Variants in MAGI3 observed in about 807,000 individuals in gnomAD.
The protein encoded by MAGI3 is membrane-associated guanylate kinase, WW and PDZ domain-containing protein 3.
Under a neutral mutation model 121.8 loss-of-function variants are expected in MAGI3, and 43 were observed. The observed-to-expected ratio is 0.35, with a 90% CI of 0.28 to 0.46. The LOEUF (loss-of-function observed/expected upper bound fraction) is 0.46, where lower values mean the gene tolerates loss of function less well. Among genes scored for constraint, MAGI3 ranks in the 20% least tolerant of loss-of-function variants. MAGI3 has a pLI of 1.00. For missense variants in MAGI3, 1,547 were observed against 1,797.3 expected, an observed-to-expected ratio of 0.86 and a Z score of 2.52; for synonymous variants, 553 against 639.3, an observed-to-expected ratio of 0.86 and a Z score of 2.04.
intron 2 of MAGI3, among the ~76,000 whole-genome samples, chr1:113,569,764 G>C (rs1660581994): frequency 1.3e-5 from 2 of 151,932 alleles, no homozygotes; most frequent in African/African-American, 2.4e-5. Flanking sequence ...TAATTGCCAG[G>C]GTTTTTTCTT....
intron 6 of MAGI3, among the ~76,000 whole-genome samples, chr1:113,598,803 A>G (rs182964582): frequency 6.6e-6 from 1 of 152,276 alleles, no homozygotes; most frequent in Admixed American, 6.5e-5. Flanking sequence ...GACTTAAACT[A>G]CACTCTAGAA....
intron 1 of MAGI3, among the ~76,000 whole-genome samples, chr1:113,451,818 A>G (rs1198116186): frequency 6.6e-6 from 1 of 152,220 alleles, no homozygotes; most frequent in Admixed American, 6.5e-5. Context: ...AACATGTAGT[A>G]GAAATAAATG....
At position 113,533,319 on chromosome 1, in the gene MAGI3, T is replaced by TC. The variant is rs1369222983; in HGVS notation, c.317-16195dup. On this transcript the variant is annotated intron_variant, in intron 1 of 20. Transcript: ENST00000307546. ...TGCAGCTGTAGGCCATTACATTAAA[T>TC]CAATTAACACAACAACAGATAACCA... Among the ~76,000 whole-genome samples the TC allele has an allele frequency of 2.6e-5, 4 of 152,340 alleles. No homozygotes were observed. In the South Asian group the frequency reaches 6.2e-4, roughly 24 times the overall value.
intron 1 of MAGI3, among the ~76,000 whole-genome samples, chr1:113,475,931 C>T (rs1384606559): frequency 1.3e-5 from 2 of 152,108 alleles, no homozygotes; most frequent in African/African-American, 4.8e-5. Context: ...TTCAGAGATT[C>T]ACCTTCTTCC....
At chr1:113,668,110 A>C (rs1011829296) in intron 16 of MAGI3, among the ~76,000 whole-genome samples, 22 of 152,220 alleles carry the variant, frequency 1.4e-4, no homozygotes, top group Non-Finnish European at 2.6e-4. Context: ...ATAATAATGA[A>C]AAAGTTAGAA....
In MAGI3 at chr1:113,643,773, T is replaced by C; in HGVS notation, c.1997T>C (p.Met666Thr). The C allele has an allele frequency of 6.2e-7, 1 of 1,613,832 alleles. No homozygotes were observed. The highest frequency in any genetic ancestry group is 8.5e-7 in the Non-Finnish European group (1 of 1,179,760). Residue 666 changes from methionine (M) to threonine (T), a missense_variant and splice_region_variant, in exon 11 of 21, where the codon ATG becomes ACG. Transcript: ENST00000307546. The stretch of plus-strand genomic sequence containing the variant: ...CCTTCACCAACCAAAACTGCCAAAA[T>C]GGTGAGTATACACTGGTCCTCAAAT... ...GPPSPTKTAK[M>T]KTDKKENAGS...
intron 1 of MAGI3, among the ~76,000 whole-genome samples, chr1:113,466,812 A>C (rs1655313106): frequency 6.6e-6 from 1 of 151,694 alleles, no homozygotes; most frequent in East Asian, 1.9e-4. Flanking sequence ...ACATCTTTTC[A>C]TTTCTGATTT....
intron 2 of MAGI3, among the ~76,000 whole-genome samples, chr1:113,575,650 G>A (rs533722943): frequency 2.0e-5 from 3 of 152,308 alleles, no homozygotes; most frequent in Admixed American, 6.5e-5. Context: ...GGTGTCTCCC[G>A]GTCAGAAGGC....
At chr1:113,439,417 A>C (rs1350424051) in intron 1 of MAGI3, among the ~76,000 whole-genome samples, 2 of 152,118 alleles carry the variant, frequency 1.3e-5, no homozygotes, top group Non-Finnish European at 2.9e-5. Context: ...TATTTCTGCT[A>C]TTGCCCTTCC....
At chr1:113,502,962 G>T (rs1394817016) in intron 1 of MAGI3, among the ~76,000 whole-genome samples, 1 of 34,210 alleles carries the variant, frequency 2.9e-5, no homozygotes, top group Non-Finnish European at 4.5e-5. Flanking sequence ...GTAAACTATC[G>T]CAAGAACAAA....
chr1:113,468,955 G>A (rs911038889), intron 1 of MAGI3, among the ~76,000 whole-genome samples: 1 of 151,958 alleles, frequency 6.6e-6, no homozygotes, highest in Non-Finnish European at 1.5e-5. Context: ...AATAGTTGTT[G>A]AATGAATAAC....
At chr1:113,576,630 A>G (rs1230581871) in intron 2 of MAGI3, 1 of 152,232 alleles carries the variant, frequency 6.6e-6, no homozygotes, top group Non-Finnish European at 1.5e-5. Context: ...CCACAAATCA[A>G]TTTTAAAGAC....
chr1:113,643,641 G>A (rs1324799239), intron 10 of MAGI3, 102 bp from the exon 11 acceptor site: 12 of 1,024,674 alleles, frequency 1.2e-5, no homozygotes, highest in Non-Finnish European at 1.7e-5. Flanking sequence ...GAATTTACTA[G>A]CGTACTAAAA....
intron 1 of MAGI3, among the ~76,000 whole-genome samples, chr1:113,536,634 T>G (rs1213150906): frequency 1.3e-5 from 2 of 152,114 alleles, no homozygotes; most frequent in East Asian, 3.8e-4. Flanking sequence ...TTTTCTTTTT[T>G]TTTTTACCAG....
intron 1 of MAGI3, among the ~76,000 whole-genome samples, chr1:113,539,991 C>G (rs902359565): frequency 1.3e-5 from 2 of 151,768 alleles, no homozygotes; most frequent in Non-Finnish European, 2.9e-5. Flanking sequence ...AGCATTTTAC[C>G]CATCTCTACA....
At chr1:113,420,874 GC>G (rs1652699835) in intron 1 of MAGI3, among the ~76,000 whole-genome samples, 1 of 152,132 alleles carries the variant, frequency 6.6e-6, no homozygotes, top group African/African-American at 2.4e-5. Context: ...GGGGGGAGTG[GC>G]TTTTATAAGC....
intron 1 of MAGI3, among the ~76,000 whole-genome samples, chr1:113,393,149 A>G (rs1213386329): frequency 6.6e-6 from 1 of 152,186 alleles, no homozygotes; most frequent in Non-Finnish European, 1.5e-5. Context: ...CAACCTCTAT[A>G]TTATATTTAA....
In MAGI3 at chr1:113,681,103, C is replaced by T. The variant is rs1648188131; in HGVS notation, c.3190-95C>T. ...TTAGGTATTTTACAAACGAAAGAATCACTTAGCAAGGTTGAATGGCTCAAG... is the reference window on the plus strand; with the variant it reads ...TTAGGTATTTTACAAACGAAAGAATTACTTAGCAAGGTTGAATGGCTCAAG... On this transcript the variant is annotated intron_variant, in intron 19 of 20. Coordinates refer to ENST00000307546, the MANE Select transcript of MAGI3 (RefSeq NM_001142782.2). 4.2e-6 allele frequency: 6 copies of T among 1,434,936 alleles called. No individual in the cohort carries two copies. The East Asian group carries it at 1.1e-4, about 27-fold the overall frequency. The allele number at this position is 1,434,936 out of a possible 1,614,324, so 88.9% of individuals were successfully genotyped here.
At chr1:113,469,607 T>G (rs962940546) in intron 1 of MAGI3, among the ~76,000 whole-genome samples, 8 of 152,250 alleles carry the variant, frequency 5.3e-5, no homozygotes, top group Middle Eastern at 3.4e-3. Flanking sequence ...GTGTTGCCAC[T>G]GGTAGTGTAT....
Sources: gnomAD v4.1 joint callset for allele counts (sites outside exome capture counted in the v4.1 genomes callset) on GRCh38, gnomAD v4.1.1 for gene constraint, MANE v1.5 for transcripts, NCBI Gene and HGNC (gene_info 2026-07-23, HGNC 2026-07-21) for gene names.